The following CRYBG1 variants were observed in gnomAD, a reference collection of about 807,000 sequenced individuals.
CRYBG1 encodes the protein crystallin beta-gamma domain containing 1.
Under a neutral mutation model 189.2 loss-of-function variants are expected in CRYBG1, and 139 were observed. The ratio of observed to expected loss-of-function variants is 0.73; its 90% CI spans 0.64 to 0.85. CRYBG1 has a LOEUF of 0.85. Among genes scored for constraint, CRYBG1 ranks in the 40% least tolerant of loss-of-function variants. The pLI, the probability that CRYBG1 is intolerant of heterozygous loss-of-function variation, is 0.00. For synonymous variants in CRYBG1, 1,023 were observed against 1,017.1 expected (o/e 1.01, Z -0.11); for missense variants, 2,611 against 2,675.8 (o/e 0.98, Z 0.53).
At chr6:106,454,000 G>A (rs1771834898) in intron 2 of CRYBG1, among the ~76,000 whole-genome samples, 1 of 152,160 alleles carries the variant, frequency 6.6e-6, no homozygotes, top group African/African-American at 2.4e-5. Flanking sequence ...TCACTGGAAT[G>A]GGGTCAGCCA....
intron 2 of CRYBG1, among the ~76,000 whole-genome samples, chr6:106,469,927 G>A (rs529459783): frequency 1.3e-5 from 2 of 152,320 alleles, no homozygotes; most frequent in African/African-American, 4.8e-5. Flanking sequence ...AGGCAGAGGA[G>A]TAGGAGATCT....
intron 2 of CRYBG1, among the ~76,000 whole-genome samples, chr6:106,494,421 T>C (rs1439738905): frequency 6.6e-6 from 1 of 152,198 alleles, no homozygotes; most frequent in Non-Finnish European, 1.5e-5. Context: ...AAAAAATGAA[T>C]AGCATTTCAA....
chr6:106,412,763 C>T (rs974954463), intron 1 of CRYBG1, among the ~76,000 whole-genome samples: 1 of 152,144 alleles, frequency 6.6e-6, no homozygotes. Flanking sequence ...TCACTTTCAA[C>T]TCTGAACCTG....
chr6:106,520,417 C>T lies in CRYBG1; in HGVS notation c.3209C>T (p.Pro1070Leu). Residue 1070 changes from proline to leucine, a missense_variant, in exon 4 of 22, where the codon CCT (proline) becomes CTT (leucine). By Grantham distance (98) the Pro-to-Leu change is moderately conservative. Around this residue, in one of 3 missense-constraint regions of CRYBG1, gnomAD observed 1,622 missense variants for 1,735.0 expected, o/e 0.93. Coordinates refer to ENST00000633556, the MANE Select transcript of CRYBG1 (RefSeq NM_001371242.2). Reference protein sequence around the residue: ...SPSSGNHLATPQRPDQTVTNG... With the variant: ...SPSSGNHLATLQRPDQTVTNG... ...AGCAGCGGAAATCACTTAGCCACTC[C>T]TCAAAGGCCAGATCAGACTGTTACA... The T allele has an allele frequency of 6.2e-7, 1 of 1,614,178 alleles. No homozygotes were observed.
chr6:106,367,943 T>C (rs944221408), intron 1 of CRYBG1, among the ~76,000 whole-genome samples: 2 of 152,126 alleles, frequency 1.3e-5, no homozygotes, highest in Non-Finnish European at 2.9e-5. Flanking sequence ...GAGTGAGACC[T>C]TGTCTCTAAA....
chr6:106,391,833 G>A (rs1458073717), intron 1 of CRYBG1, among the ~76,000 whole-genome samples: 2 of 151,998 alleles, frequency 1.3e-5, no homozygotes, highest in Admixed American at 1.3e-4. Context: ...CACCACACTT[G>A]CTTCGTTCTT....
chr6:106,547,213 C>T (rs939754750), intron 13 of CRYBG1, among the ~76,000 whole-genome samples: 1 of 80,402 alleles, frequency 1.2e-5, no homozygotes, highest in East Asian at 5.1e-4. Context: ...CACACACACA[C>T]CACTTCCTTT....
At chr6:106,491,371 T>G (rs1466162950) in intron 2 of CRYBG1, among the ~76,000 whole-genome samples, 8 of 152,180 alleles carry the variant, frequency 5.3e-5, no homozygotes, top group Non-Finnish European at 1.5e-5. Context: ...AACTGGAGCT[T>G]ATATTTTTTC....
intron 1 of CRYBG1, among the ~76,000 whole-genome samples, chr6:106,419,636 G>A (rs1771088298): frequency 6.6e-6 from 1 of 152,158 alleles, no homozygotes; most frequent in South Asian, 2.1e-4. Flanking sequence ...CTCCCAACTT[G>A]GCCTACCAAA....
At chr6:106,529,539 T>C (rs1773829523) in intron 7 of CRYBG1, among the ~76,000 whole-genome samples, 2 of 152,254 alleles carry the variant, frequency 1.3e-5, no homozygotes, top group Admixed American at 1.3e-4. Flanking sequence ...GCTGCATAGA[T>C]GAGTTTCAAT....
intron 1 of CRYBG1, among the ~76,000 whole-genome samples, chr6:106,429,166 T>C (rs1487403991): frequency 6.6e-6 from 1 of 152,244 alleles, no homozygotes; most frequent in Non-Finnish European, 1.5e-5. Context: ...TCCGTCTCTA[T>C]GTGGAATATA....
chr6:106,517,425 TATATACACAC>T (rs1489919482), intron 3 of CRYBG1, among the ~76,000 whole-genome samples: 10,067 of 128,220 alleles, frequency 0.079, 508 homozygotes, highest in East Asian at 0.1. Flanking sequence ...TATACACATA[TATATACACAC>T]ACACATATAT....
intron 17 of CRYBG1, among the ~76,000 whole-genome samples, chr6:106,558,243 CCCT>C (rs1445605078): frequency 6.9e-5 from 8 of 115,960 alleles, no homozygotes; most frequent in South Asian, 2.8e-4. Context: ...TTTTTTTTCC[CCCT>C]GTTTTACAAA....
At chr6:106,464,362 G>A (rs1178525827) in intron 2 of CRYBG1, among the ~76,000 whole-genome samples, 1 of 152,000 alleles carries the variant, frequency 6.6e-6, no homozygotes, top group Non-Finnish European at 1.5e-5. Flanking sequence ...GCATGTTGGT[G>A]CGCGCCTGTA....
At chr6:106,367,412 C>T (rs1488685201) in intron 1 of CRYBG1, among the ~76,000 whole-genome samples, 2 of 151,490 alleles carry the variant, frequency 1.3e-5, no homozygotes, top group East Asian at 3.9e-4. Flanking sequence ...CATGGTGAAA[C>T]CCCGTCTCTA....
intron 1 of CRYBG1, among the ~76,000 whole-genome samples, chr6:106,388,037 G>T (rs1156799120): frequency 6.6e-6 from 1 of 152,094 alleles, no homozygotes; most frequent in Non-Finnish European, 1.5e-5. Flanking sequence ...CCTGGTTTAT[G>T]CCTGTTTTCC....
At position 106,568,647 on chromosome 6, in the gene CRYBG1, A is replaced by C. The variant is rs570759520; in HGVS notation, c.*81A>C. The C allele has an allele frequency of 1.2e-5, 12 of 1,018,894 alleles. No homozygotes were observed. The highest frequency in any genetic ancestry group is 1.7e-5 in the Non-Finnish European group (11 of 662,386). 63.1% of individuals were successfully genotyped at this position (1,018,894 alleles called of 1,614,324 possible). ...AAGGACAATGCTGATGGAAGACCAG[A>C]CTGGAAAGTGGATCGACTCCTCCTT... On this transcript the variant is annotated 3_prime_UTR_variant, in exon 22 of 22. Transcript: ENST00000633556.
Position 106,492,518 on chromosome 6 carries a change from G to A in CRYBG1, c.313-18912G>A, listed in dbSNP as rs1442020094. Among the ~76,000 whole-genome samples, 3 of 151,826 alleles carry A rather than the reference G, an allele frequency of 2.0e-5. No homozygotes were observed. In the East Asian group the frequency reaches 5.8e-4, roughly 29 times the overall value. On this transcript the variant is annotated intron_variant, in intron 2 of 21. Coordinates refer to ENST00000633556, the MANE Select transcript of CRYBG1 (RefSeq NM_001371242.2). ...TGGGAGAGGGAGGGAGGGAGGAAGA[G>A]AGGAAGGAAAGAAGGAAGGGAAGAA...
chr6:106,565,478 T>C (rs1012516967), intron 21 of CRYBG1, among the ~76,000 whole-genome samples: 3 of 152,168 alleles, frequency 2.0e-5, no homozygotes, highest in African/African-American at 7.2e-5. Flanking sequence ...GATCTCCAGG[T>C]AGGTAGCTTG....
Sources: allele counts gnomAD v4.1 joint callset (sites outside exome capture counted in the v4.1 genomes callset), GRCh38; gene constraint gnomAD v4.1.1; regional missense constraint gnomAD v4.1.1; transcripts MANE v1.5; gene names NCBI Gene and HGNC (gene_info 2026-07-23, HGNC 2026-07-21).